Variants in ADAM10 observed in about 807,000 individuals in gnomAD.
The protein encoded by ADAM10 is ADAM metallopeptidase domain 10.
ADAM10 carries 17 observed loss-of-function variants against 90.1 expected under a neutral mutation model. The ratio of observed to expected loss-of-function variants is 0.19; its 90% CI spans 0.13 to 0.28. The LOEUF (loss-of-function observed/expected upper bound fraction) is 0.28. ADAM10 is among the 10% of genes least tolerant of loss of function. The probability of loss-of-function intolerance (pLI) is 1.00; values close to 1 mark genes in which losing one functional copy is unlikely to be tolerated. For missense variants in ADAM10, 610 were observed against 914.3 expected (o/e 0.67, Z 4.29); for synonymous variants, 310 against 298.6 (o/e 1.04, Z -0.40).
intron 15 of ADAM10, among the ~76,000 whole-genome samples, chr15:58,598,611 A>G (rs1211668236): frequency 6.6e-6 from 1 of 152,206 alleles, no homozygotes; most frequent in Non-Finnish European, 1.5e-5. Context: ...GAAGTCTGAG[A>G]GCGGCAGGAG....
chr15:58,655,982 G>C (rs1403059096), intron 5 of ADAM10, among the ~76,000 whole-genome samples: 1 of 151,380 alleles, frequency 6.6e-6, no homozygotes, highest in Admixed American at 6.6e-5. Context: ...CCTGGCCTCA[G>C]GTGATCCACC....
At chr15:58,740,018 C>T (rs1899554299) in intron 1 of ADAM10, among the ~76,000 whole-genome samples, 2 of 152,150 alleles carry the variant, frequency 1.3e-5, no homozygotes, top group African/African-American at 4.8e-5. Context: ...GTGCTAGGTC[C>T]TAAAACATGA....
rs775682868 is a variant in ADAM10, at chr15:58,610,644, A to G, written c.1805-127T>C. On this transcript the variant is annotated intron_variant, in intron 13 of 15. Transcript: ENST00000260408. ...ATCATTACCATAACATGTTATACAGACCTTCTCTAGTTAGGCTGGGTAACG... is the reference window on the plus strand; with the variant it reads ...ATCATTACCATAACATGTTATACAGGCCTTCTCTAGTTAGGCTGGGTAACG... The G allele has an allele frequency of 1.1e-5, 10 of 910,210 alleles. 1 individual carries two copies. In the African/African-American group the frequency reaches 1.3e-4, roughly 12 times the overall value. The allele number at this position is 910,210 out of a possible 1,614,324, so 56.4% of individuals were successfully genotyped here.
rs11633086 is a variant in ADAM10 at position 58,721,292 on chromosome 15, G to T, written c.56-3565C>A. Among the ~76,000 whole-genome samples, 1,229 of 152,230 alleles carry T rather than the reference G, an allele frequency of 8.1e-3. 11 individuals are homozygous for T. Among genetic ancestry groups the T allele is most frequent in the Admixed American group, 0.011 (170 of 15,290 alleles). ...ATTGAGATAGAACATGATTCATAGGGTTTAATTGGGAAAGCTAAAAACACT... is the reference window on the plus strand; with the variant it reads ...ATTGAGATAGAACATGATTCATAGGTTTTAATTGGGAAAGCTAAAAACACT... On this transcript the variant is annotated intron_variant, in intron 1 of 15. Coordinates refer to ENST00000260408, the MANE Select transcript of ADAM10 (RefSeq NM_001110.4).
At chr15:58,665,240 G>T (rs770903061) in intron 4 of ADAM10, 43 bp from the exon 5 acceptor site, 2 of 1,374,244 alleles carry the variant, frequency 1.5e-6, no homozygotes, top group East Asian at 4.6e-5. Flanking sequence ...ACACATTTAG[G>T]TATAACCAAT....
chr15:58,654,703 T>C (rs1234285114), intron 5 of ADAM10, among the ~76,000 whole-genome samples: 1 of 152,202 alleles, frequency 6.6e-6, no homozygotes, highest in African/African-American at 2.4e-5. Context: ...CCATTATCGT[T>C]TGTTTCAAGA....
intron 4 of ADAM10, among the ~76,000 whole-genome samples, chr15:58,673,414 GTTTT>G (rs199586106): frequency 2.9e-4 from 42 of 146,000 alleles, no homozygotes; most frequent in Non-Finnish European, 4.8e-4. Context: ...AGCTGCAGCT[GTTTT>G]TTTGACACTG....
rs1378949855 is a variant in ADAM10, at chr15:58,596,711, C to T, written c.*836G>A. On this transcript the variant is annotated 3_prime_UTR_variant, in exon 16 of 16. Coordinates refer to ENST00000260408, the MANE Select transcript of ADAM10 (RefSeq NM_001110.4). Reference sequence around the variant, plus strand: ...GAATTGAATTAGAAAGTTTAAAAGACGTAAGCAGAAACCAGACATCTACAT... The same window carrying T: ...GAATTGAATTAGAAAGTTTAAAAGATGTAAGCAGAAACCAGACATCTACAT... The T allele has an allele frequency of 1.3e-5, 2 of 152,150 alleles. No individual in the cohort carries two copies. The highest frequency in any genetic ancestry group is 4.8e-5 in the African/African-American group (2 of 41,434). The allele number at this position is 152,150 out of a possible 1,614,324, so 9.4% of individuals were successfully genotyped here. A position where few individuals can be genotyped will look rare whatever the true frequency, so the allele number is the denominator to read the frequency against.
intron 5 of ADAM10, among the ~76,000 whole-genome samples, chr15:58,652,406 T>A (rs1379259039): frequency 2.6e-5 from 4 of 151,744 alleles, no homozygotes; most frequent in Non-Finnish European, 5.9e-5. Flanking sequence ...TCATTTTGAT[T>A]TGATTTTTGT....
chr15:58,631,743 T>G (rs16940620), intron 9 of ADAM10, among the ~76,000 whole-genome samples: 1,561 of 152,312 alleles, frequency 0.01, 25 homozygotes, highest in African/African-American at 0.036. Flanking sequence ...GACACTTATC[T>G]GCTCTTGAAA....
chr15:58,692,813 A>G (rs1246619139), intron 2 of ADAM10: 4 of 641,006 alleles, frequency 6.2e-6, no homozygotes, highest in Non-Finnish European at 1.2e-5. Context: ...CCAACACCAA[A>G]TTGCCCAATC....
intron 5 of ADAM10, among the ~76,000 whole-genome samples, chr15:58,664,580 A>G (rs1897036015): frequency 6.6e-6 from 1 of 152,186 alleles, no homozygotes; most frequent in Non-Finnish European, 1.5e-5. Context: ...ATGTTTTATC[A>G]TAAAAGAAAA....
At chr15:58,734,038 A>C (rs185445143) in intron 1 of ADAM10, among the ~76,000 whole-genome samples, 100 of 152,152 alleles carry the variant, frequency 6.6e-4, no homozygotes, top group Admixed American at 1.2e-3. Flanking sequence ...TAAGTTTCAC[A>C]TTTCACATAT....
intron 9 of ADAM10, among the ~76,000 whole-genome samples, chr15:58,632,221 T>G (rs2140673155): frequency 6.6e-6 from 1 of 152,342 alleles, no homozygotes; most frequent in Non-Finnish European, 1.5e-5. Context: ...ATCAATATAA[T>G]GGACTGGATA....
chr15:58,707,886 G>C (rs1434085911), intron 2 of ADAM10, among the ~76,000 whole-genome samples: 1 of 152,070 alleles, frequency 6.6e-6, no homozygotes, highest in Non-Finnish European at 1.5e-5. Flanking sequence ...AGACCAGCCT[G>C]GCCAATATGG....
chr15:58,644,413 A>T (rs1377540122), intron 6 of ADAM10, among the ~76,000 whole-genome samples: 2 of 151,944 alleles, frequency 1.3e-5, no homozygotes, highest in Non-Finnish European at 2.9e-5. Flanking sequence ...TATTTTTAGT[A>T]AAGACAGGTT....
At chr15:58,672,750 T>C (rs1266943140) in intron 4 of ADAM10, 1 of 133,816 alleles carries the variant, frequency 7.5e-6, no homozygotes, top group African/African-American at 3.0e-5. Flanking sequence ...GAAATGGATA[T>C]TGCTGCATAC....
intron 2 of ADAM10, among the ~76,000 whole-genome samples, chr15:58,714,482 C>T (rs1294856424): frequency 1.3e-5 from 2 of 151,798 alleles, no homozygotes; most frequent in Admixed American, 6.6e-5. Context: ...GGGACTAAAG[C>T]CTATTATGTG....
In ADAM10 at chr15:58,590,191, T is replaced by C. The variant is rs1595973037; in HGVS notation, c.*7356A>G. 1.3e-5 allele frequency: 2 copies of C among 152,330 alleles called. No individual in the cohort carries two copies. The allele number at this position is 152,330 out of a possible 1,614,324, so 9.4% of individuals were successfully genotyped here. Reference sequence around the variant, plus strand: ...CACCCTCCTTTCTCAGTCCTATCTCTGCATTATCAGCTGTGACAACGTCCC... The same window carrying C: ...CACCCTCCTTTCTCAGTCCTATCTCCGCATTATCAGCTGTGACAACGTCCC... On this transcript the variant is annotated 3_prime_UTR_variant, in exon 16 of 16. Coordinates refer to ENST00000260408, the MANE Select transcript of ADAM10 (RefSeq NM_001110.4).
Sources: gnomAD v4.1 joint callset for allele counts (sites outside exome capture counted in the v4.1 genomes callset) on GRCh38, gnomAD v4.1.1 for gene constraint, MANE v1.5 for transcripts, NCBI Gene and HGNC (gene_info 2026-07-23, HGNC 2026-07-21) for gene names.